The following NCOR1 variants were observed in gnomAD, a reference collection of about 807,000 sequenced individuals.
The protein encoded by NCOR1 is protein phosphatase 1, regulatory subunit 109.
A neutral mutation model predicts 288.1 loss-of-function variants in NCOR1; 63 were observed. That is an observed-to-expected ratio of 0.22 (90% CI 0.18 to 0.27). NCOR1 has a LOEUF of 0.27. Ranked by LOEUF, NCOR1 falls within the 10% of genes least tolerant of loss-of-function variation. The pLI is 1.00. For missense variants in NCOR1, 2,397 were observed against 3,019.2 expected, an observed-to-expected ratio of 0.79 and a Z score of 4.83; for synonymous variants, 1,007 against 1,065.9, an observed-to-expected ratio of 0.94 and a Z score of 1.08.
chr17:16,137,450 G>T, intron 13 of NCOR1, 38 bp from the exon 14 acceptor site: 1 of 1,115,536 alleles, frequency 9.0e-7, no homozygotes, highest in South Asian at 1.8e-5. Flanking sequence ...AGGATCCAAT[G>T]AAATAAAGAA....
At chr17:16,211,167 C>T (rs1453269272) in intron 1 of NCOR1, among the ~76,000 whole-genome samples, 1 of 152,174 alleles carries the variant, frequency 6.6e-6, no homozygotes, top group East Asian at 1.9e-4. Flanking sequence ...TAAATCACTT[C>T]ACTTCTCCGA....
intron 22 of NCOR1, among the ~76,000 whole-genome samples, chr17:16,087,961 A>G (rs926257145): frequency 6.6e-6 from 1 of 152,194 alleles, no homozygotes; most frequent in Non-Finnish European, 1.5e-5. Flanking sequence ...AGTCATATTT[A>G]AGACTTTAAA....
intron 40 of NCOR1, among the ~76,000 whole-genome samples, chr17:16,050,010 T>A (rs2152484303): frequency 6.6e-6 from 1 of 152,196 alleles, no homozygotes; most frequent in African/African-American, 2.4e-5. Context: ...CTCACTTACA[T>A]CTCCCGAGTA....
intron 1 of NCOR1, among the ~76,000 whole-genome samples, chr17:16,209,995 T>C (rs892148733): frequency 3.3e-5 from 5 of 151,904 alleles, no homozygotes; most frequent in African/African-American, 1.2e-4. Flanking sequence ...AGCTTTTATA[T>C]TAATATAACA....
chr17:16,076,499 C>T (rs1034752608), intron 26 of NCOR1, among the ~76,000 whole-genome samples: 4 of 152,184 alleles, frequency 2.6e-5, no homozygotes, highest in East Asian at 1.9e-4. Flanking sequence ...TACAACTACA[C>T]GAGAAGTTGC....
rs2074431953 is a variant in NCOR1, at chr17:16,127,310, CATGTATGTATAT to C, written c.1510-1116_1510-1105del. Among the ~76,000 whole-genome samples the C allele has an allele frequency of 4.2e-4, 18 of 42,698 alleles. 8 individuals carry two copies. The highest frequency in any genetic ancestry group is 7.4e-4 in the Admixed American group (3 of 4,044). 28.0% of individuals were successfully genotyped at this position (42,698 alleles called of 152,430 possible). On this transcript the variant is annotated intron_variant, in intron 14 of 45. Coordinates refer to ENST00000268712, the MANE Select transcript of NCOR1 (RefSeq NM_006311.4). ...GTATATATGTATGTATGTATATATA[CATGTATGTATAT>C]ATGTATGTATATATACATGTATGTA...
chr17:16,135,171 A>C lies in NCOR1; in HGVS notation c.1509+2140T>G, dbSNP rs574113433. On this transcript the variant is annotated intron_variant, in intron 14 of 45. Coordinates refer to ENST00000268712, the MANE Select transcript of NCOR1 (RefSeq NM_006311.4). ...GAGACTCCATCTCAAAAAAAAAAAA[A>C]AAAAAAAAAAACTGTAGCTGAAACT... Among the ~76,000 whole-genome samples, 26 of 151,720 alleles carry C rather than the reference A, an allele frequency of 1.7e-4. No individual in the cohort carries two copies. The South Asian group carries it at 5.2e-3, about 30-fold the overall frequency.
intron 18 of NCOR1, among the ~76,000 whole-genome samples, chr17:16,110,732 G>A (rs999200355): frequency 6.6e-6 from 1 of 152,042 alleles, no homozygotes. Flanking sequence ...AAAATTACCC[G>A]TACATCTACT....
At chr17:16,138,931 A>G (rs528465186) in intron 12 of NCOR1, 77 bp downstream of exon 12, 11 of 1,161,944 alleles carry the variant, frequency 9.5e-6, no homozygotes, top group Non-Finnish European at 1.3e-5. Flanking sequence ...AAACAGTTCA[A>G]TTTACAAGTA....
intron 1 of NCOR1, among the ~76,000 whole-genome samples, chr17:16,209,140 A>C (rs1423594875): frequency 6.6e-6 from 1 of 152,172 alleles, no homozygotes; most frequent in Non-Finnish European, 1.5e-5. Flanking sequence ...AAGAGTTCCC[A>C]GAATAAAAAA....
intron 20 of NCOR1, among the ~76,000 whole-genome samples, chr17:16,100,016 A>T (rs1199513506): frequency 1.3e-5 from 2 of 152,188 alleles, no homozygotes; most frequent in Non-Finnish European, 2.9e-5. Flanking sequence ...CACACTCTGA[A>T]AGATAAACTT....
intron 19 of NCOR1, among the ~76,000 whole-genome samples, chr17:16,107,284 C>G (rs972852030): frequency 6.6e-6 from 1 of 151,984 alleles, no homozygotes; most frequent in Non-Finnish European, 1.5e-5. Flanking sequence ...AGCCCTACCC[C>G]CCAATGTAAC....
chr17:16,175,561 G>T (rs1204081500), intron 3 of NCOR1, among the ~76,000 whole-genome samples: 1 of 152,046 alleles, frequency 6.6e-6, no homozygotes, highest in African/African-American at 2.4e-5. Context: ...CTTGCTAAAA[G>T]AGAATATTCC....
intron 14 of NCOR1, among the ~76,000 whole-genome samples, chr17:16,137,037 G>A (rs1184011458): frequency 6.6e-6 from 1 of 151,964 alleles, no homozygotes; most frequent in Non-Finnish European, 1.5e-5. Flanking sequence ...CATGATTATT[G>A]CTGACACTGA....
intron 2 of NCOR1, among the ~76,000 whole-genome samples, chr17:16,188,486 C>T (rs955727770): frequency 6.6e-6 from 1 of 151,674 alleles, no homozygotes; most frequent in Admixed American, 6.6e-5. Context: ...TGGCGTGCTC[C>T]TGTAATCCCA....
At chr17:16,089,709 G>T (rs541759344) in intron 22 of NCOR1, among the ~76,000 whole-genome samples, 49 of 152,102 alleles carry the variant, frequency 3.2e-4, no homozygotes, top group African/African-American at 1.2e-3. Flanking sequence ...TCTATAAACT[G>T]TTCTATGAGG....
At chr17:16,038,878 C>A (rs2056994248) in intron 44 of NCOR1, among the ~76,000 whole-genome samples, 2 of 152,208 alleles carry the variant, frequency 1.3e-5, no homozygotes, top group Non-Finnish European at 2.9e-5. Flanking sequence ...TCAAGCAATT[C>A]TCCTGCCTCA....
chr17:16,109,251 T>C (rs887640673), intron 18 of NCOR1, among the ~76,000 whole-genome samples: 1 of 151,902 alleles, frequency 6.6e-6, no homozygotes, highest in African/African-American at 2.4e-5. Flanking sequence ...ACAATATATA[T>C]ATATTTTTTC....
At chr17:16,066,849 T>C (rs1175420501) in intron 32 of NCOR1, among the ~76,000 whole-genome samples, 1 of 152,226 alleles carries the variant, frequency 6.6e-6, no homozygotes, top group Non-Finnish European at 1.5e-5. Flanking sequence ...CTTTTAAAAT[T>C]TAGCATACTG....
Sources: gnomAD v4.1 joint callset for allele counts (sites outside exome capture counted in the v4.1 genomes callset) on GRCh38, gnomAD v4.1.1 for gene constraint, MANE v1.5 for transcripts, NCBI Gene and HGNC (gene_info 2026-07-23, HGNC 2026-07-21) for gene names.